Variants in GALNT13 observed in about 807,000 individuals in gnomAD.
The protein encoded by GALNT13 is polypeptide N-acetylgalactosaminyltransferase 13.
A neutral mutation model predicts 64.2 loss-of-function variants in GALNT13; 28 were observed. The observed-to-expected ratio is 0.44, with a 90% CI of 0.32 to 0.60. The LOEUF (loss-of-function observed/expected upper bound fraction) is 0.60. GALNT13 is among the 20% of genes least tolerant of loss of function. The pLI is 0.05. For missense variants in GALNT13, 577 were observed against 669.8 expected, an observed-to-expected ratio of 0.86 and a Z score of 1.53; for synonymous variants, 214 against 224.6, an observed-to-expected ratio of 0.95 and a Z score of 0.42.
chr2:154,391,673 A>G (rs1445907865), intron 9 of GALNT13, among the ~76,000 whole-genome samples: 3 of 152,216 alleles, frequency 2.0e-5, no homozygotes, highest in Non-Finnish European at 2.9e-5. Flanking sequence ...AGCAATTATT[A>G]TATTCCAGTC....
the GALNT13 span, among the ~76,000 whole-genome samples, chr2:153,678,715 C>T: frequency 5.3e-5 from 8 of 151,910 alleles, no homozygotes; most frequent in African/African-American, 1.2e-4. Flanking sequence ...AATGGACTTG[C>T]GTTGTGTCAA....
chr2:154,200,890 G>A (rs1377739558), intron 4 of GALNT13, among the ~76,000 whole-genome samples: 1 of 152,046 alleles, frequency 6.6e-6, no homozygotes, highest in African/African-American at 2.4e-5. Context: ...GATTTATTTT[G>A]AACTGAAGAG....
At chr2:154,388,792 T>C (rs1480627226) in intron 9 of GALNT13, among the ~76,000 whole-genome samples, 1 of 152,182 alleles carries the variant, frequency 6.6e-6, no homozygotes, top group Admixed American at 6.5e-5. Flanking sequence ...AAGTCCACTT[T>C]CTATTTGGAA....
chr2:153,980,819 ATGC>A (rs1694411301), intron 3 of GALNT13, among the ~76,000 whole-genome samples: 1 of 152,148 alleles, frequency 6.6e-6, no homozygotes, highest in South Asian at 2.1e-4. Flanking sequence ...TAATTTAGTC[ATGC>A]AGTGGTTTGC....
intron 3 of GALNT13, among the ~76,000 whole-genome samples, chr2:154,054,851 A>C (rs1699818118): frequency 6.6e-6 from 1 of 152,060 alleles, no homozygotes; most frequent in African/African-American, 2.4e-5. Context: ...TTCATAATAA[A>C]ATAAGAAATT....
the GALNT13 span, among the ~76,000 whole-genome samples, chr2:153,667,417 C>A: frequency 6.6e-6 from 1 of 152,192 alleles, no homozygotes. Flanking sequence ...ACAAGGCTAA[C>A]AGAAGGTCTT....
At chr2:154,421,479 A>G (rs1377587984) in intron 11 of GALNT13, among the ~76,000 whole-genome samples, 2 of 152,120 alleles carry the variant, frequency 1.3e-5, no homozygotes, top group Non-Finnish European at 2.9e-5. Context: ...TCAGCAAAAT[A>G]TCTTCTATTA....
intron 1 of GALNT13, among the ~76,000 whole-genome samples, chr2:153,897,660 T>G (rs1370275079): frequency 1.3e-5 from 2 of 152,134 alleles, no homozygotes; most frequent in Non-Finnish European, 2.9e-5. Flanking sequence ...AATGTTTTCT[T>G]TACTGATTCA....
the GALNT13 span, among the ~76,000 whole-genome samples, chr2:153,804,616 T>G: frequency 2.0e-5 from 3 of 152,034 alleles, no homozygotes; most frequent in Non-Finnish European, 4.4e-5. Context: ...AAAGGAAGAG[T>G]GCATTTATTT....
the GALNT13 span, among the ~76,000 whole-genome samples, chr2:153,564,888 T>C: frequency 6.6e-6 from 1 of 152,198 alleles, no homozygotes; most frequent in Non-Finnish European, 1.5e-5. Context: ...GAGATTCTTC[T>C]GTGGGTCCTG....
At chr2:153,714,198 G>T in the GALNT13 span, among the ~76,000 whole-genome samples, 10 of 152,086 alleles carry the variant, frequency 6.6e-5, no homozygotes, top group Admixed American at 6.5e-4. Flanking sequence ...AGAATTGATA[G>T]TCCGACTGAG....
At chr2:153,930,652 G>A (rs754691958) in intron 2 of GALNT13, among the ~76,000 whole-genome samples, 4 of 151,986 alleles carry the variant, frequency 2.6e-5, no homozygotes, top group East Asian at 3.9e-4. Context: ...TTATTCCTGG[G>A]TTCTTTCTTC....
chr2:154,317,377 T>C lies in GALNT13; in HGVS notation c.1156+15788T>C, dbSNP rs1056184764. Among the ~76,000 whole-genome samples the C allele has an allele frequency of 2.0e-5, 3 of 152,166 alleles. No individual in the cohort carries two copies. In the South Asian group the frequency reaches 6.2e-4, roughly 32 times the overall value. On this transcript the variant is annotated intron_variant, in intron 9 of 12. Transcript: ENST00000392825. ...TGTTGTATTTGGAATTGATTTTTAG[T>C]GAAGTAAGCTACAAATTGAGTAATA...
the GALNT13 span, among the ~76,000 whole-genome samples, chr2:153,093,621 C>T: frequency 6.6e-6 from 1 of 152,074 alleles, no homozygotes; most frequent in Admixed American, 6.6e-5. Context: ...TCATCAGTAA[C>T]ATTGGCCAGT....
intron 8 of GALNT13, among the ~76,000 whole-genome samples, chr2:154,275,975 C>G (rs1215494142): frequency 6.6e-6 from 1 of 152,098 alleles, no homozygotes. Context: ...AATGACTGCC[C>G]TGTTGGATTT....
chr2:154,227,701 G>A (rs1385441078), intron 4 of GALNT13, among the ~76,000 whole-genome samples: 3 of 151,866 alleles, frequency 2.0e-5, no homozygotes, highest in Non-Finnish European at 4.4e-5. Context: ...GGGTGTTTAT[G>A]TGTACCTGGG....
At chr2:153,462,223 T>C in the GALNT13 span, among the ~76,000 whole-genome samples, 1,720 of 152,166 alleles carry the variant, frequency 0.011, 21 homozygotes, top group African/African-American at 0.038. Context: ...TACATATAAA[T>C]AGTAGGTAAA....
chr2:153,099,432 T>C, the GALNT13 span, among the ~76,000 whole-genome samples: 15 of 152,246 alleles, frequency 9.9e-5, no homozygotes, highest in East Asian at 2.9e-3. Flanking sequence ...CTCACTGTTA[T>C]GGAAAAGTAC....
the GALNT13 span, among the ~76,000 whole-genome samples, chr2:153,766,367 G>A: frequency 6.6e-6 from 1 of 152,114 alleles, no homozygotes; most frequent in Non-Finnish European, 1.5e-5. Context: ...TTTAACTGGA[G>A]AATTTGGGGA....
Sources: gnomAD v4.1 joint callset for allele counts (sites outside exome capture counted in the v4.1 genomes callset) on GRCh38, gnomAD v4.1.1 for gene constraint, MANE v1.5 for transcripts, NCBI Gene and HGNC (gene_info 2026-07-23, HGNC 2026-07-21) for gene names.